DLG2: variants seen among roughly 807,000 people sequenced by gnomAD.
DLG2 encodes the protein disks large homolog 2.
A neutral mutation model predicts 132.5 loss-of-function variants in DLG2; 45 were observed. That is an observed-to-expected ratio of 0.34 (90% CI 0.27 to 0.44). The LOEUF (loss-of-function observed/expected upper bound fraction) is 0.44, where lower values mean the gene tolerates loss of function less well. DLG2 is among the 20% of genes least tolerant of loss of function. The probability of loss-of-function intolerance (pLI) is 1.00; values close to 1 mark genes in which losing one functional copy is unlikely to be tolerated. For synonymous variants in DLG2, 424 were observed against 419.6 expected (o/e 1.01, Z -0.13); for missense variants, 1,045 against 1,196.9 (o/e 0.87, Z 1.87).
chr11:85,464,901 C>T (rs1027080530), intron 3 of DLG2, among the ~76,000 whole-genome samples: 11 of 150,582 alleles, frequency 7.3e-5, no homozygotes, highest in African/African-American at 2.7e-4. Flanking sequence ...GGTGACACCC[C>T]GTCTCTACTA....
intron 9 of DLG2, among the ~76,000 whole-genome samples, chr11:84,112,154 C>A (rs2093383443): frequency 6.6e-6 from 1 of 151,920 alleles, no homozygotes; most frequent in African/African-American, 2.4e-5. Flanking sequence ...CGCCTGCCGC[C>A]ACACCCAGCT....
intron 7 of DLG2, among the ~76,000 whole-genome samples, chr11:84,499,942 A>G (rs559030553): frequency 3.9e-5 from 6 of 152,172 alleles, no homozygotes; most frequent in African/African-American, 1.2e-4. Context: ...TTATCCATTC[A>G]CTCATTCATT....
At chr11:84,434,021 G>A (rs771384484) in intron 7 of DLG2, among the ~76,000 whole-genome samples, 95 of 151,670 alleles carry the variant, frequency 6.3e-4, no homozygotes, top group Non-Finnish European at 1.2e-3. Flanking sequence ...GGAAGGCTGC[G>A]GTGGGAGGAT....
chr11:84,848,125 T>G (rs1249579286), intron 6 of DLG2, among the ~76,000 whole-genome samples: 1 of 152,094 alleles, frequency 6.6e-6, no homozygotes, highest in African/African-American at 2.4e-5. Context: ...ACAACTATTC[T>G]CTAATCAACA....
At chr11:84,714,625 C>CTCTT (rs1173761973) in intron 6 of DLG2, among the ~76,000 whole-genome samples, 67 of 104,464 alleles carry the variant, frequency 6.4e-4, no homozygotes, top group South Asian at 1.2e-3. Flanking sequence ...CTTTCTCTTT[C>CTCTT]TCTCTCTCTC....
At chr11:85,412,612 T>G (rs569038096) in intron 3 of DLG2, among the ~76,000 whole-genome samples, 1 of 151,488 alleles carries the variant, frequency 6.6e-6, no homozygotes, top group Non-Finnish European at 1.5e-5. Context: ...AGTGAGAACA[T>G]ATGATGTTTG....
At chr11:84,314,404 A>G (rs953920869) in intron 7 of DLG2, among the ~76,000 whole-genome samples, 3 of 152,214 alleles carry the variant, frequency 2.0e-5, no homozygotes, top group Non-Finnish European at 4.4e-5. Flanking sequence ...TGGACACATG[A>G]ATACATATAG....
At position 85,007,483 on chromosome 11, in the gene DLG2, AC is replaced by A. The variant is rs1413214189; in HGVS notation, c.357+104177del. On this transcript the variant is annotated intron_variant, in intron 6 of 27. Coordinates refer to ENST00000376104, the MANE Select transcript of DLG2 (RefSeq NM_001142699.3). ...AGACCATCCTGGCTAACACGGTGAA[AC>A]CCCATCTCTACTAAAAAAAAACACA... is the stretch of plus-strand genomic sequence containing the variant. Among the ~76,000 whole-genome samples the A allele has an allele frequency of 3.3e-5, 5 of 151,320 alleles. No individual in the cohort carries two copies. The South Asian group carries it at 8.4e-4, about 25-fold the overall frequency.
intron 18 of DLG2, among the ~76,000 whole-genome samples, chr11:83,782,263 T>C (rs2094859528): frequency 6.6e-6 from 1 of 152,222 alleles, no homozygotes; most frequent in Non-Finnish European, 1.5e-5. Context: ...ACTATTAATA[T>C]ATGTCAACAC....
chr11:85,150,855 T>A (rs1028607576), intron 5 of DLG2, among the ~76,000 whole-genome samples: 2 of 142,882 alleles, frequency 1.4e-5, no homozygotes, highest in African/African-American at 5.3e-5. Flanking sequence ...TAAATATTTC[T>A]TCAAGATCCT....
chr11:83,609,122 G>A (rs1390763680), intron 19 of DLG2, among the ~76,000 whole-genome samples: 1 of 152,134 alleles, frequency 6.6e-6, no homozygotes. Flanking sequence ...AGATGAAAGT[G>A]ACCAAAAAGG....
At position 83,728,312 on chromosome 11, in the gene DLG2, C is replaced by T. The variant is rs971105742; in HGVS notation, c.1825+58378G>A. 2.6e-5 allele frequency among the ~76,000 whole-genome samples: 4 copies of T among 152,230 alleles called. No individual in the cohort carries two copies. In the East Asian group the frequency reaches 7.7e-4, roughly 29 times the overall value. ...CAAAGCCCATGTTTTTAGTAAAGCA[C>T]ATGACACCTTCACAATTTTGCTTCC... On this transcript the variant is annotated intron_variant, in intron 18 of 27. Transcript: ENST00000376104.
At chr11:83,657,948 T>C (rs985048820) in intron 18 of DLG2, among the ~76,000 whole-genome samples, 2 of 152,168 alleles carry the variant, frequency 1.3e-5, no homozygotes, top group African/African-American at 4.8e-5. Flanking sequence ...AGCACACACA[T>C]ATCAAAGAAG....
chr11:83,641,862 A>AGTGTGTGTGTGT (rs34754104), intron 18 of DLG2, among the ~76,000 whole-genome samples: 20 of 147,924 alleles, frequency 1.4e-4, no homozygotes, highest in African/African-American at 4.0e-4. Context: ...AGAGAGAGGG[A>AGTGTGTGTGTGT]GTGTGTGTGT....
chr11:85,375,756 G>C (rs1245823205), intron 3 of DLG2, among the ~76,000 whole-genome samples: 1 of 152,152 alleles, frequency 6.6e-6, no homozygotes, highest in Non-Finnish European at 1.5e-5. Context: ...GGAAGCATTT[G>C]ATAATGATTT....
intron 6 of DLG2, among the ~76,000 whole-genome samples, chr11:84,705,224 T>C (rs2059661891): frequency 6.6e-6 from 1 of 151,648 alleles, no homozygotes; most frequent in African/African-American, 2.4e-5. Context: ...GAGAAGACAA[T>C]GGTGCTGAGA....
chr11:83,967,722 T>A (rs552834556), intron 12 of DLG2, among the ~76,000 whole-genome samples: 16 of 152,166 alleles, frequency 1.1e-4, no homozygotes, highest in Non-Finnish European at 2.4e-4. Flanking sequence ...AGATTTTGAA[T>A]TTAATGTAGT....
At chr11:85,481,202 T>A (rs1452768399) in intron 3 of DLG2, among the ~76,000 whole-genome samples, 1 of 152,254 alleles carries the variant, frequency 6.6e-6, no homozygotes, top group Non-Finnish European at 1.5e-5. Flanking sequence ...TATCTACACA[T>A]AACGTGCTCA....
chr11:83,746,178 A>G (rs950410954), intron 18 of DLG2, among the ~76,000 whole-genome samples: 7 of 152,250 alleles, frequency 4.6e-5, no homozygotes, highest in African/African-American at 7.2e-5. Flanking sequence ...GCGATTCCCC[A>G]GGGATCTAGA....
Sources: allele counts gnomAD v4.1 joint callset (sites outside exome capture counted in the v4.1 genomes callset), GRCh38; gene constraint gnomAD v4.1.1; transcripts MANE v1.5; gene names NCBI Gene and HGNC (gene_info 2026-07-23, HGNC 2026-07-21).